SEMA6D: variants seen among roughly 807,000 people sequenced by gnomAD.
The protein encoded by SEMA6D is semaphorin 6D.
Under a neutral mutation model 106.6 loss-of-function variants are expected in SEMA6D, and 35 were observed. The observed-to-expected ratio is 0.33, with a 90% CI of 0.25 to 0.44. SEMA6D has a LOEUF of 0.44. SEMA6D is among the 20% of genes least tolerant of loss of function. The probability of loss-of-function intolerance (pLI) is 1.00; values close to 1 mark genes in which losing one functional copy is unlikely to be tolerated. For missense variants in SEMA6D, 1,185 were observed against 1,345.9 expected, an observed-to-expected ratio of 0.88 and a Z score of 1.87; for synonymous variants, 499 against 487.7, an observed-to-expected ratio of 1.02 and a Z score of -0.31.
intron 2 of SEMA6D, among the ~76,000 whole-genome samples, chr15:47,457,954 G>T (rs965334441): frequency 4.6e-5 from 7 of 151,876 alleles, no homozygotes; most frequent in Non-Finnish European, 7.4e-5. Flanking sequence ...AAAAATGGCT[G>T]CAGACATTGA....
intron 1 of SEMA6D, among the ~76,000 whole-genome samples, chr15:47,210,714 G>A (rs747737164): frequency 3.7e-5 from 5 of 136,586 alleles, no homozygotes; most frequent in Non-Finnish European, 4.5e-5. Flanking sequence ...GCAGTGAGCC[G>A]AGATAGCACC....
At chr15:47,433,506 G>T (rs1229472670) in intron 2 of SEMA6D, among the ~76,000 whole-genome samples, 1 of 151,950 alleles carries the variant, frequency 6.6e-6, no homozygotes, top group East Asian at 1.9e-4. Context: ...AAGAATAGCA[G>T]GTTTTAGATT....
intron 1 of SEMA6D, among the ~76,000 whole-genome samples, chr15:47,273,269 C>T (rs1368697541): frequency 6.7e-6 from 1 of 149,888 alleles, no homozygotes; most frequent in Non-Finnish European, 1.5e-5. Flanking sequence ...AAAAGCACCA[C>T]AGAAGTCTTT....
chr15:47,189,220 C>G (rs1291289177), intron 1 of SEMA6D, among the ~76,000 whole-genome samples: 2 of 152,098 alleles, frequency 1.3e-5, no homozygotes, highest in Non-Finnish European at 1.5e-5. Context: ...TTGGCTTTCC[C>G]CTTGCTACCC....
intron 3 of SEMA6D, among the ~76,000 whole-genome samples, chr15:47,599,239 T>C (rs2076596308): frequency 6.6e-6 from 1 of 152,062 alleles, no homozygotes; most frequent in South Asian, 2.1e-4. Context: ...GGGTCTGAGG[T>C]AACATCAGAG....
At chr15:47,589,671 G>A (rs1041880343) in intron 3 of SEMA6D, among the ~76,000 whole-genome samples, 4 of 152,190 alleles carry the variant, frequency 2.6e-5, no homozygotes, top group African/African-American at 9.7e-5. Flanking sequence ...CATTTCAATG[G>A]ACTTTAGGGA....
intron 4 of SEMA6D, among the ~76,000 whole-genome samples, chr15:47,666,558 AG>A (rs1356433373): frequency 6.6e-6 from 1 of 152,184 alleles, no homozygotes; most frequent in Non-Finnish European, 1.5e-5. Context: ...AGAGCTGTGT[AG>A]GGGGAGCAAG....
chr15:47,348,212 C>T (rs1567015921), intron 1 of SEMA6D, among the ~76,000 whole-genome samples: 1 of 152,152 alleles, frequency 6.6e-6, no homozygotes, highest in Admixed American at 6.5e-5. Context: ...GCTTCATGAG[C>T]TCTAGAGCCA....
chr15:47,367,962 G>C (rs1476566823), intron 1 of SEMA6D, among the ~76,000 whole-genome samples: 1 of 85,158 alleles, frequency 1.2e-5, no homozygotes, highest in East Asian at 2.4e-4. Context: ...GTGGCTTAAT[G>C]CTCCTTTTTT....
chr15:47,542,185 C>T (rs1191388921), intron 3 of SEMA6D, among the ~76,000 whole-genome samples: 1 of 152,112 alleles, frequency 6.6e-6, no homozygotes, highest in Non-Finnish European at 1.5e-5. Flanking sequence ...TTTCCTCTGA[C>T]TTCCACTATA....
chr15:47,375,905 A>C (rs1037922016), intron 1 of SEMA6D, among the ~76,000 whole-genome samples: 2 of 152,244 alleles, frequency 1.3e-5, no homozygotes, highest in Non-Finnish European at 2.9e-5. Context: ...TATATATGGA[A>C]AAAAGGAAAT....
intron 3 of SEMA6D, among the ~76,000 whole-genome samples, chr15:47,474,739 C>T (rs2042955783): frequency 6.6e-6 from 1 of 152,148 alleles, no homozygotes; most frequent in African/African-American, 2.4e-5. Flanking sequence ...GCAAATGGTC[C>T]CTTTGTCATT....
At chr15:47,323,994 A>AG (rs2037029023) in intron 1 of SEMA6D, among the ~76,000 whole-genome samples, 5 of 152,072 alleles carry the variant, frequency 3.3e-5, no homozygotes. Context: ...GCAAAAAAAA[A>AG]AAAAAATCCA....
At chr15:47,262,180 C>T (rs900872386) in intron 1 of SEMA6D, among the ~76,000 whole-genome samples, 1 of 151,932 alleles carries the variant, frequency 6.6e-6, no homozygotes, top group Admixed American at 6.6e-5. Flanking sequence ...TCAAAGAAAT[C>T]AGAGATGACA....
chr15:47,628,513 T>C (rs1046779746), intron 4 of SEMA6D, among the ~76,000 whole-genome samples: 3 of 152,112 alleles, frequency 2.0e-5, no homozygotes, highest in Non-Finnish European at 4.4e-5. Context: ...TAATGGTTAA[T>C]GATGTTAAAC....
At chr15:47,600,789 T>C (rs1046528488) in intron 3 of SEMA6D, 3 of 152,172 alleles carry the variant, frequency 2.0e-5, no homozygotes, top group Non-Finnish European at 4.4e-5. Context: ...ACAACTATGT[T>C]TAACTCAGTA....
At chr15:47,189,371 C>T (rs967592239) in intron 1 of SEMA6D, among the ~76,000 whole-genome samples, 1 of 152,192 alleles carries the variant, frequency 6.6e-6, no homozygotes, top group Non-Finnish European at 1.5e-5. Context: ...TAAGCACCCA[C>T]AGGTTGTTTC....
intron 1 of SEMA6D, among the ~76,000 whole-genome samples, chr15:47,251,287 G>T (rs1423659617): frequency 6.6e-6 from 1 of 152,132 alleles, no homozygotes; most frequent in East Asian, 1.9e-4. Flanking sequence ...CTCATCCTTT[G>T]TGAGGCAGAT....
rs994111259 is a variant in SEMA6D at position 47,340,947 on chromosome 15, A to G, written c.-238-71446A>G. Reference sequence around the variant, plus strand: ...AGTGATCATTCCAAAACTATCTAGAATAAGTAGAATTTTTAACCCACTCTG... The same window carrying G: ...AGTGATCATTCCAAAACTATCTAGAGTAAGTAGAATTTTTAACCCACTCTG... On this transcript the variant is annotated intron_variant, in intron 1 of 19. Transcript: ENST00000558014. Among the ~76,000 whole-genome samples, 6 of 152,316 alleles carry G rather than the reference A, an allele frequency of 3.9e-5. No individual in the cohort carries two copies. In the East Asian group the frequency reaches 1.2e-3, roughly 29 times the overall value.
Sources: allele counts gnomAD v4.1 joint callset (sites outside exome capture counted in the v4.1 genomes callset), GRCh38; gene constraint gnomAD v4.1.1; transcripts MANE v1.5; gene names NCBI Gene and HGNC (gene_info 2026-07-23, HGNC 2026-07-21).